KCNAB2: variants seen among roughly 807,000 people sequenced by gnomAD.
KCNAB2 encodes voltage-gated potassium channel subunit beta-2.
KCNAB2 carries 29 observed loss-of-function variants against 63.6 expected under a neutral mutation model. The ratio of observed to expected loss-of-function variants is 0.46; its 90% CI spans 0.34 to 0.62. The LOEUF is 0.62. KCNAB2 is among the 20% of genes least tolerant of loss of function. The pLI is 0.01. For missense variants in KCNAB2, 359 were observed against 563.9 expected, an observed-to-expected ratio of 0.64 and a Z score of 3.68; for synonymous variants, 222 against 224.2, an observed-to-expected ratio of 0.99 and a Z score of 0.09.
chr1:5,993,151 T>C (rs1656642893), intron 1 of KCNAB2, among the ~76,000 whole-genome samples: 1 of 148,824 alleles, frequency 6.7e-6, no homozygotes, highest in African/African-American at 2.5e-5. Flanking sequence ...CTTTCCTCCA[T>C]CCTCCTCTCA....
Position 6,071,228 on chromosome 1 carries a change from G to A in KCNAB2, c.219-1527G>A, listed in dbSNP as rs1196109438. 6.6e-6 allele frequency among the ~76,000 whole-genome samples: 1 copy of A among 152,200 alleles called. No homozygotes were observed. The highest frequency in any genetic ancestry group is 1.5e-5 in the Non-Finnish European group (1 of 68,038). ...TTGGACAGGAAAGAGGATAAACTGA[G>A]GACATCGCATCCTCCGAAGTTGGAA... On this transcript the variant is annotated intron_variant, in intron 2 of 15. Coordinates refer to ENST00000378083, the MANE Select transcript of KCNAB2 (RefSeq NM_001199862.2). This position sits in a 1 kb window ranked among gnomAD's most constrained non-coding sequence, Gnocchi z 8.5.
rs369423244 is a variant in KCNAB2, at chr1:6,073,346, T to C, written c.263-387T>C. The stretch of plus-strand genomic sequence containing the variant: ...TGCCCTGACACCGCCCTCCCCGCTC[T>C]GTCCCAGCAGGAGCACGCAGACGCG... On this transcript the variant is annotated intron_variant, in intron 3 of 15. Transcript: ENST00000378083. This position sits in a 1 kb window ranked among gnomAD's most constrained non-coding sequence, Gnocchi z 5.7. Among the ~76,000 whole-genome samples, 9 of 151,908 alleles carry C rather than the reference T, an allele frequency of 5.9e-5. No individual in the cohort carries two copies. The highest frequency in any genetic ancestry group is 3.4e-3 in the Middle Eastern group (1 of 294).
Position 6,078,952 on chromosome 1 carries a change from C to T in KCNAB2, c.301-3243C>T, listed in dbSNP as rs1342344404. ...CTAGGAGGCTATTGTGAGAAACCACCCAAGAGCCGCTGGAGGCTCAGAGCA... is the reference window on the plus strand; with the variant it reads ...CTAGGAGGCTATTGTGAGAAACCACTCAAGAGCCGCTGGAGGCTCAGAGCA... On this transcript the variant is annotated intron_variant, in intron 4 of 15. Transcript: ENST00000378083. The surrounding 1 kb of genome is among the most constrained non-coding windows in gnomAD (Gnocchi z 4.2). 6.6e-6 allele frequency among the ~76,000 whole-genome samples: 1 copy of T among 152,168 alleles called. No individual in the cohort carries two copies. Among genetic ancestry groups the T allele is most frequent in the Non-Finnish European group, 1.5e-5 (1 of 68,028 alleles).
intron 1 of KCNAB2, among the ~76,000 whole-genome samples, chr1:6,039,035 C>A (rs1244748649): frequency 6.6e-6 from 1 of 152,182 alleles, no homozygotes; most frequent in Non-Finnish European, 1.5e-5. Flanking sequence ...ACACACCCCC[C>A]CCAGAGAGGG....
intron 1 of KCNAB2, among the ~76,000 whole-genome samples, chr1:5,993,683 G>A (rs1193614452): frequency 1.3e-5 from 2 of 152,158 alleles, no homozygotes; most frequent in Non-Finnish European, 2.9e-5. Flanking sequence ...TGCTTTGCCC[G>A]CAGCATCCCG....
At chr1:6,093,946 C>A (rs923981783) in intron 10 of KCNAB2, among the ~76,000 whole-genome samples, 4 of 152,208 alleles carry the variant, frequency 2.6e-5, no homozygotes, top group African/African-American at 9.7e-5. Flanking sequence ...AGACCAGAAA[C>A]GCAAAAACAC....
chr1:6,031,724 TAAAA>T (rs60928974), upstream of KCNAB2, among the ~76,000 whole-genome samples: 4 of 146,254 alleles, frequency 2.7e-5, no homozygotes, highest in Admixed American at 6.8e-5. The surrounding 1 kb of genome is among the most constrained non-coding windows in gnomAD (Gnocchi z 4.1). Context: ...TCATCTCTAT[TAAAA>T]AAAAAAAAAA....
intron 2 of KCNAB2, among the ~76,000 whole-genome samples, chr1:6,059,715 A>C (rs1419552246): frequency 1.3e-5 from 2 of 152,028 alleles, no homozygotes; most frequent in Non-Finnish European, 2.9e-5. Flanking sequence ...AACAGCAGCA[A>C]CTCAGAGCAG....
chr1:6,081,151 A>G lies in KCNAB2; in HGVS notation c.301-1044A>G, dbSNP rs540629227. On this transcript the variant is annotated intron_variant, in intron 4 of 15. Transcript: ENST00000378083. ...GCACAATCGCGTCCTGACAGCAGCC[A>G]TGGAGCAAAGTCTGATGCACAGCGC... is the stretch of plus-strand genomic sequence containing the variant. Among the ~76,000 whole-genome samples the G allele has an allele frequency of 7.2e-5, 11 of 152,362 alleles. No individual in the cohort carries two copies. In the South Asian group the frequency reaches 2.1e-3, roughly 29 times the overall value.
intron 2 of KCNAB2, among the ~76,000 whole-genome samples, chr1:6,067,382 A>G (rs1441057623): frequency 1.3e-5 from 2 of 152,206 alleles, no homozygotes; most frequent in Non-Finnish European, 2.9e-5. Flanking sequence ...GCATTTGGGA[A>G]TCTTCTGGGT....
At position 6,074,274 on chromosome 1, in the gene KCNAB2, G is replaced by A. The variant is rs1361950515; in HGVS notation, c.300+504G>A. 2.6e-5 allele frequency among the ~76,000 whole-genome samples: 4 copies of A among 152,196 alleles called. No homozygotes were observed. Among genetic ancestry groups the A allele is most frequent in the African/African-American group, 9.7e-5 (4 of 41,446 alleles). ...ATTTCCCAGCTGCCGCGAACCGTGCGGATCGCAGTCAGATGTATTTGCTGG... is the reference window on the plus strand; with the variant it reads ...ATTTCCCAGCTGCCGCGAACCGTGCAGATCGCAGTCAGATGTATTTGCTGG... On this transcript the variant is annotated intron_variant, in intron 4 of 15. Transcript: ENST00000378083. This position sits in a 1 kb window ranked among gnomAD's most constrained non-coding sequence, Gnocchi z 4.9.
chr1:6,005,533 C>T lies in KCNAB2; in HGVS notation c.-53+12745C>T, dbSNP rs549211356. On this transcript the variant is annotated intron_variant, in intron 1 of 16. Transcript: ENST00000341524. ...GGAAGCCAGCCTGTGGACCTGGAGC[C>T]GACTGAGGGTCCCCCCTACCCCCCA... Among the ~76,000 whole-genome samples the T allele has an allele frequency of 2.4e-4, 36 of 149,904 alleles. No homozygotes were observed. In the South Asian group the frequency reaches 4.6e-3, roughly 19 times the overall value.
At position 6,097,172 on chromosome 1, in the gene KCNAB2, A is replaced by G. The variant is rs570145991; in HGVS notation, c.1070-97A>G. On this transcript the variant is annotated intron_variant, in intron 14 of 15. Transcript: ENST00000378083. The stretch of plus-strand genomic sequence containing the variant: ...TAGACCCCCTCAGACCCCCAGACCA[A>G]GATGCTGGGTCTCTCGGCCCAGTCA... 449 of 1,359,758 alleles carry G rather than the reference A, an allele frequency of 3.3e-4. 1 individual carries two copies. The African/African-American group carries it at 5.1e-3, about 16-fold the overall frequency. The allele number at this position is 1,359,758 out of a possible 1,614,324, so 84.2% of individuals were successfully genotyped here. A position where few individuals can be genotyped will look rare whatever the true frequency, so the allele number is the denominator to read the frequency against.
chr1:6,005,893 A>T (rs1289115613), intron 1 of KCNAB2, among the ~76,000 whole-genome samples: 7 of 145,180 alleles, frequency 4.8e-5, no homozygotes, highest in Non-Finnish European at 7.5e-5. Flanking sequence ...GATCCATTCC[A>T]CCCTCACCCC....
upstream of KCNAB2, among the ~76,000 whole-genome samples, chr1:6,042,540 G>C (rs1333274570): frequency 2.6e-5 from 4 of 152,116 alleles, no homozygotes; most frequent in Non-Finnish European, 5.9e-5. Context: ...CACCTGTAAG[G>C]CAGGGGATGC....
At chr1:6,076,281 C>T (rs1181647871) in intron 4 of KCNAB2, among the ~76,000 whole-genome samples, 1 of 152,176 alleles carries the variant, frequency 6.6e-6, no homozygotes. Context: ...AGGGCAGAGT[C>T]CACAGTTTGT....
chr1:6,060,274 GAAC>G (rs1201613978), intron 2 of KCNAB2, among the ~76,000 whole-genome samples: 1 of 152,224 alleles, frequency 6.6e-6, no homozygotes, highest in African/African-American at 2.4e-5. Flanking sequence ...ACTTGGCCTT[GAAC>G]ACGGGTGGCT....
At chr1:6,068,326 G>A (rs1662921420) in intron 2 of KCNAB2, among the ~76,000 whole-genome samples, 1 of 152,220 alleles carries the variant, frequency 6.6e-6, no homozygotes, top group African/African-American at 2.4e-5. Flanking sequence ...AGACAGGGCA[G>A]TGAAGGGGGG....
intron 11 of KCNAB2, among the ~76,000 whole-genome samples, chr1:6,095,099 T>G (rs1665503495): frequency 6.6e-6 from 1 of 152,240 alleles, no homozygotes; most frequent in South Asian, 2.1e-4. Flanking sequence ...TGCTCATAAC[T>G]GGACCCTCCG....
Sources: allele counts gnomAD v4.1 joint callset (sites outside exome capture counted in the v4.1 genomes callset), GRCh38; gene constraint gnomAD v4.1.1; non-coding constraint Gnocchi (gnomAD v3.1); transcripts MANE v1.5; gene names NCBI Gene and HGNC (gene_info 2026-07-23, HGNC 2026-07-21).